PLXNA4: variants seen among roughly 807,000 people sequenced by gnomAD.
The protein encoded by PLXNA4 is plexin A4.
In PLXNA4, 44 loss-of-function variants were observed where a neutral mutation model predicts 191.8. That is an observed-to-expected ratio of 0.23 (90% CI 0.18 to 0.29). The LOEUF is 0.29. PLXNA4 is among the 10% of genes least tolerant of loss of function. PLXNA4 has a pLI of 1.00. For synonymous variants in PLXNA4, 1,082 were observed against 1,009.5 expected (o/e 1.07, Z -1.36); for missense variants, 1,800 against 2,488.8 (o/e 0.72, Z 5.89).
chr7:132,532,663 G>A (rs1328163400), intron 1 of PLXNA4, among the ~76,000 whole-genome samples: 5 of 152,016 alleles, frequency 3.3e-5, no homozygotes, highest in East Asian at 3.8e-4. Context: ...TCTGCTACTC[G>A]AGAATCTTCG....
intron 1 of PLXNA4, among the ~76,000 whole-genome samples, chr7:132,574,445 T>C (rs548850389): frequency 6.6e-5 from 10 of 152,342 alleles, no homozygotes; most frequent in Admixed American, 5.2e-4. Context: ...GGGAGAAATG[T>C]TCCATTTCTT....
At chr7:132,617,206 C>G (rs1803173201) in intron 2 of PLXNA4, among the ~76,000 whole-genome samples, 1 of 152,164 alleles carries the variant, frequency 6.6e-6, no homozygotes, top group Admixed American at 6.5e-5. Flanking sequence ...CTTGCTCCCT[C>G]CCAGCTGTCA....
At chr7:132,445,052 G>A (rs1795847773) in intron 3 of PLXNA4, among the ~76,000 whole-genome samples, 1 of 151,096 alleles carries the variant, frequency 6.6e-6, no homozygotes, top group African/African-American at 2.4e-5. Flanking sequence ...CTACTCGGGA[G>A]GCTGAGGCAG....
chr7:132,551,933 G>T (rs1179417816), intron 1 of PLXNA4, among the ~76,000 whole-genome samples: 1 of 152,102 alleles, frequency 6.6e-6, no homozygotes, highest in Non-Finnish European at 1.5e-5. Flanking sequence ...TAGCTGAATG[G>T]AATCAATGAG....
chr7:132,312,149 A>AAAT (rs56273116), intron 3 of PLXNA4, among the ~76,000 whole-genome samples: 24,504 of 149,476 alleles, frequency 0.16, 2,350 homozygotes, highest in East Asian at 0.39. Flanking sequence ...CCTTGAAGGA[A>AAAT]AATAATAATA....
At chr7:132,537,097 T>A (rs754665528) in intron 1 of PLXNA4, among the ~76,000 whole-genome samples, 47 of 152,170 alleles carry the variant, frequency 3.1e-4, no homozygotes, top group Non-Finnish European at 6.0e-4. Flanking sequence ...GGAGCGAGCT[T>A]TCTTTCTGGA....
intron 4 of PLXNA4, among the ~76,000 whole-genome samples, chr7:132,260,127 C>G (rs1040246155): frequency 3.9e-5 from 6 of 152,146 alleles, no homozygotes; most frequent in Non-Finnish European, 8.8e-5. Flanking sequence ...TAAAACAGAA[C>G]TGCCATTCAA....
intron 3 of PLXNA4, among the ~76,000 whole-genome samples, chr7:132,468,130 A>G (rs1241248373): frequency 2.0e-5 from 3 of 152,144 alleles, no homozygotes; most frequent in Non-Finnish European, 4.4e-5. Context: ...TTACAAAAAA[A>G]CCCTGTAATC....
In PLXNA4 at chr7:132,187,685, C is replaced by G. The variant is rs78443628; in HGVS notation, c.2857-78G>C. On this transcript the variant is annotated intron_variant, in intron 14 of 31. Transcript: ENST00000321063. ...TTCTGGGCAGGCGTGAGGCAGCACCCCACTCCCCCAAGCTGCCTTCTGGAA... is the reference window on the plus strand; with the variant it reads ...TTCTGGGCAGGCGTGAGGCAGCACCGCACTCCCCCAAGCTGCCTTCTGGAA... 1.3e-3 allele frequency: 1,970 copies of G among 1,494,044 alleles called. 24 individuals are homozygous for G. In the African/African-American group the frequency reaches 0.025, roughly 19 times the overall value. The allele number at this position is 1,494,044 out of a possible 1,614,324, so 92.5% of individuals were successfully genotyped here. A position where few individuals can be genotyped will look rare whatever the true frequency, so the allele number is the denominator to read the frequency against.
chr7:132,192,577 CAG>C (rs1315463203), intron 14 of PLXNA4, among the ~76,000 whole-genome samples: 1 of 151,612 alleles, frequency 6.6e-6, no homozygotes, highest in African/African-American at 2.4e-5. Context: ...AAGAGGGAGA[CAG>C]AGAGGAAGGA....
intron 3 of PLXNA4, 101 bp from the exon 4 acceptor site, chr7:132,298,323 G>A: frequency 2.1e-6 from 3 of 1,446,224 alleles, no homozygotes; most frequent in Non-Finnish European, 2.8e-6. Context: ...GAGAGGGCAT[G>A]AGTTCTGTCT....
chr7:132,185,512 A>G (rs1185523122), intron 15 of PLXNA4, 49 bp from the exon 16 acceptor site: 1 of 1,572,356 alleles, frequency 6.4e-7, no homozygotes, highest in South Asian at 1.2e-5. Flanking sequence ...TGAGGAGGAC[A>G]GAGGTCCTGA....
At chr7:132,158,918 C>T (rs1022593431) in intron 25 of PLXNA4, among the ~76,000 whole-genome samples, 1 of 152,218 alleles carries the variant, frequency 6.6e-6, no homozygotes, top group East Asian at 1.9e-4. Context: ...ATTCATGTAA[C>T]AGCTAAAATG....
At chr7:132,281,231 G>A (rs570017867) in intron 4 of PLXNA4, among the ~76,000 whole-genome samples, 4 of 152,244 alleles carry the variant, frequency 2.6e-5, no homozygotes, top group Admixed American at 6.5e-5. Flanking sequence ...TGTCATAACT[G>A]AAAAGGACAC....
At chr7:132,222,319 G>A (rs1199976823) in intron 9 of PLXNA4, among the ~76,000 whole-genome samples, 1 of 152,222 alleles carries the variant, frequency 6.6e-6, no homozygotes, top group Non-Finnish European at 1.5e-5. Context: ...TTAGTGTGGG[G>A]TGTACATTGA....
At chr7:132,192,760 C>G (rs573659895) in intron 14 of PLXNA4, among the ~76,000 whole-genome samples, 1 of 152,024 alleles carries the variant, frequency 6.6e-6, no homozygotes, top group Admixed American at 6.6e-5. Context: ...TGGGTGTGTG[C>G]GGCAGGGAAT....
At chr7:132,285,310 C>A (rs1214095797) in intron 4 of PLXNA4, among the ~76,000 whole-genome samples, 1 of 152,186 alleles carries the variant, frequency 6.6e-6, no homozygotes, top group Non-Finnish European at 1.5e-5. Context: ...CCCTGAACCA[C>A]CTTCAAGCCA....
chr7:132,478,370 TA>T (rs1210290395), intron 3 of PLXNA4, among the ~76,000 whole-genome samples: 2 of 152,162 alleles, frequency 1.3e-5, no homozygotes, highest in Non-Finnish European at 2.9e-5. Context: ...ATGCAACATT[TA>T]AAAAAATATG....
At chr7:132,562,376 T>G (rs1174471452) in intron 1 of PLXNA4, among the ~76,000 whole-genome samples, 4 of 128,628 alleles carry the variant, frequency 3.1e-5, no homozygotes, top group Non-Finnish European at 6.4e-5. Flanking sequence ...TGCCTCCTCC[T>G]CCTTCTCCTC....
Sources: gnomAD v4.1 joint callset for allele counts (sites outside exome capture counted in the v4.1 genomes callset) on GRCh38, gnomAD v4.1.1 for gene constraint, MANE v1.5 for transcripts, NCBI Gene and HGNC (gene_info 2026-07-23, HGNC 2026-07-21) for gene names.